Variants in CYP4X1 observed in about 807,000 individuals in gnomAD.
CYP4X1 encodes the protein cytochrome P450 family 4 subfamily X member 1, also known as cytochrome P450 4X1.
Under a neutral mutation model 57.9 loss-of-function variants are expected in CYP4X1, and 44 were observed. The ratio of observed to expected loss-of-function variants is 0.76; its 90% CI spans 0.60 to 0.98. The LOEUF is 0.98. CYP4X1 is among the 50% of genes least tolerant of loss of function. The pLI, the probability that CYP4X1 is intolerant of heterozygous loss-of-function variation, is 0.00. For synonymous variants in CYP4X1, 227 were observed against 228.6 expected (o/e 0.99, Z 0.06); for missense variants, 532 against 623.9 (o/e 0.85, Z 1.57).
At chr1:47,018,979 G>A (rs1643970143), upstream of CYP4X1, among the ~76,000 whole-genome samples, 1 of 152,158 alleles carries the variant, frequency 6.6e-6, no homozygotes, top group Non-Finnish European at 1.5e-5. Flanking sequence ...GCCCAATAAT[G>A]AGATGCAGAT....
chr1:47,009,896 C>A, the CYP4X1 span, among the ~76,000 whole-genome samples: 2 of 152,130 alleles, frequency 1.3e-5, no homozygotes, highest in African/African-American at 2.4e-5. Flanking sequence ...CAATAACAGG[C>A]TCTGAAATTG....
chr1:47,025,003 A>G (rs1415034843), intron 1 of CYP4X1, among the ~76,000 whole-genome samples: 2 of 152,226 alleles, frequency 1.3e-5, no homozygotes, highest in African/African-American at 4.8e-5. Flanking sequence ...TAATAAGTTT[A>G]GACATCTGCT....
the CYP4X1 span, chr1:46,994,592 TC>T: frequency 1.3e-5 from 2 of 153,096 alleles, no homozygotes. Context: ...TCCTGTGAGA[TC>T]CCCTGTCTAC....
downstream of CYP4X1, among the ~76,000 whole-genome samples, chr1:47,052,636 A>T (rs537181526): frequency 1.1e-4 from 17 of 152,336 alleles, no homozygotes; most frequent in East Asian, 2.9e-3. Context: ...GTTTACATAA[A>T]TATTGAAGAT....
chr1:46,969,305 A>G, the CYP4X1 span, among the ~76,000 whole-genome samples: 1 of 152,212 alleles, frequency 6.6e-6, no homozygotes, highest in Admixed American at 6.5e-5. Flanking sequence ...CATGTCTTGT[A>G]CATCCTGATG....
chr1:47,032,405 C>T (rs1414370629), intron 3 of CYP4X1, among the ~76,000 whole-genome samples: 1 of 152,052 alleles, frequency 6.6e-6, no homozygotes, highest in African/African-American at 2.4e-5. Flanking sequence ...TCATCTTTGA[C>T]AATAAGGATG....
rs1264124217 is a variant in CYP4X1 at position 47,039,497 on chromosome 1, CAG to C, written c.1039_1040del (p.Arg347GlyfsTer16). On this transcript the variant is annotated frameshift_variant, in exon 8 of 12. Transcript: ENST00000371901. LOFTEE classifies it high-confidence loss of function. ...EHQERCREEV[R>X]GILGDGSSIT... ...ATCAAGAGAGATGCCGGGAGGAGGT[CAG>C]GGGCATCCTGGGGGATGGGTCTTCT... is the stretch of plus-strand genomic sequence containing the variant. 6.2e-7 allele frequency: 1 copy of C among 1,612,020 alleles called. No homozygotes were observed. The highest frequency in any genetic ancestry group is 2.2e-5 in the East Asian group (1 of 44,842).
chr1:47,021,214 G>T (rs1358745022), upstream of CYP4X1, among the ~76,000 whole-genome samples: 1 of 134,486 alleles, frequency 7.4e-6, no homozygotes, highest in African/African-American at 2.7e-5. Context: ...TCATATTTTT[G>T]AGTTGTAGCA....
rs1644219629 is a variant in CYP4X1 at position 47,039,355 on chromosome 1, G to GATATTGATGTA, written c.896_897insATATTGATGTA (p.Ser299ArgfsTer3). 3 of 1,594,016 alleles carry GATATTGATGTA rather than the reference G, an allele frequency of 1.9e-6. No individual in the cohort carries two copies. In the South Asian group the frequency reaches 3.4e-5, roughly 18 times the overall value. ...TGTACTTTCTAGGATGAAAGTGGTA[G>GATATTGATGTA]CAGCTTCTCAGATATTGATGTACAC... On this transcript the variant is annotated stop_gained and frameshift_variant, in exon 8 of 12. Transcript: ENST00000371901. LOFTEE classifies it high-confidence loss of function.
At chr1:47,036,821 G>A (rs1644189004) in intron 6 of CYP4X1, among the ~76,000 whole-genome samples, 1 of 152,172 alleles carries the variant, frequency 6.6e-6, no homozygotes, top group Non-Finnish European at 1.5e-5. Flanking sequence ...GTTACGATGA[G>A]TGGGTTAATA....
chr1:47,011,190 G>C, the CYP4X1 span, among the ~76,000 whole-genome samples: 1 of 152,118 alleles, frequency 6.6e-6, no homozygotes, highest in African/African-American at 2.4e-5. Context: ...AAACAGCATG[G>C]TACTGGTACC....
chr1:47,016,228 AT>A, the CYP4X1 span, among the ~76,000 whole-genome samples: 1 of 152,144 alleles, frequency 6.6e-6, no homozygotes, highest in African/African-American at 2.4e-5. Flanking sequence ...AATTCAAGAA[AT>A]TAAAAAAAAA....
At chr1:47,038,184 A>G (rs1644206042) in intron 6 of CYP4X1, among the ~76,000 whole-genome samples, 2 of 152,218 alleles carry the variant, frequency 1.3e-5, no homozygotes, top group African/African-American at 4.8e-5. Flanking sequence ...ACAAACCTGT[A>G]CATGTACCCC....
At chr1:47,024,110 G>C in intron 1 of CYP4X1, 116 bp downstream of exon 1, 1 of 1,308,930 alleles carries the variant, frequency 7.6e-7, no homozygotes, top group East Asian at 2.6e-5. Context: ...CCTCCGGCTT[G>C]CACTGGCCTT....
downstream of CYP4X1, among the ~76,000 whole-genome samples, chr1:47,055,243 C>T (rs1333819027): frequency 6.6e-6 from 1 of 152,198 alleles, no homozygotes; most frequent in Non-Finnish European, 1.5e-5. Flanking sequence ...ATATGTTGAA[C>T]CAGCCTTTCA....
intron 4 of CYP4X1, among the ~76,000 whole-genome samples, chr1:47,035,394 A>G (rs1644170143): frequency 6.6e-6 from 1 of 152,128 alleles, no homozygotes; most frequent in African/African-American, 2.4e-5. Flanking sequence ...AAATGTGGCT[A>G]TGGTGGTTGA....
At chr1:46,997,491 C>T in the CYP4X1 span, among the ~76,000 whole-genome samples, 8 of 152,278 alleles carry the variant, frequency 5.3e-5, no homozygotes, top group African/African-American at 1.9e-4. Context: ...GATTTTCTGT[C>T]TGGGGAATTA....
At chr1:46,962,428 T>A in the CYP4X1 span, among the ~76,000 whole-genome samples, 1 of 152,158 alleles carries the variant, frequency 6.6e-6, no homozygotes, top group Admixed American at 6.5e-5. Flanking sequence ...AAGTATGAGT[T>A]TTCTGAATTG....
chr1:46,968,470 T>A, the CYP4X1 span, among the ~76,000 whole-genome samples: 1 of 152,154 alleles, frequency 6.6e-6, no homozygotes, highest in Admixed American at 6.5e-5. Context: ...GCAGCCCATG[T>A]CCTTGTCCCA....
Sources: gnomAD v4.1 joint callset for allele counts (sites outside exome capture counted in the v4.1 genomes callset) on GRCh38, gnomAD v4.1.1 for gene constraint, MANE v1.5 for transcripts, NCBI Gene and HGNC (gene_info 2026-07-23, HGNC 2026-07-21) for gene names.